CTNNA3: variants seen among roughly 807,000 people sequenced by gnomAD.
CTNNA3 encodes catenin alpha-3.
A neutral mutation model predicts 95.7 loss-of-function variants in CTNNA3; 76 were observed. The ratio of observed to expected loss-of-function variants is 0.79; its 90% confidence interval spans 0.66 to 0.96. The LOEUF is 0.96. Ranked by LOEUF, CTNNA3 falls within the 40% of genes least tolerant of loss-of-function variation. CTNNA3 has a pLI of 0.00. For missense variants in CTNNA3, 1,191 were observed against 1,089.8 expected (o/e 1.09, Z -1.31); for synonymous variants, 431 against 374.4 (o/e 1.15, Z -1.74).
At chr10:66,249,896 G>A (rs1360401444) in intron 13 of CTNNA3, among the ~76,000 whole-genome samples, 1 of 151,974 alleles carries the variant, frequency 6.6e-6, no homozygotes, top group African/African-American at 2.4e-5. Context: ...CCCACTGCAA[G>A]GTATATACCC....
chr10:67,347,177 G>A (rs1842451863), intron 5 of CTNNA3, among the ~76,000 whole-genome samples: 1 of 151,508 alleles, frequency 6.6e-6, no homozygotes, highest in Non-Finnish European at 1.5e-5. Flanking sequence ...AGCCTCCCAA[G>A]TAGCTGGGAC....
At chr10:66,406,015 G>A (rs1269657609) in intron 11 of CTNNA3, among the ~76,000 whole-genome samples, 1 of 152,106 alleles carries the variant, frequency 6.6e-6, no homozygotes, top group African/African-American at 2.4e-5. Context: ...ACAGTGGAAA[G>A]AGAGAGGCAA....
intron 5 of CTNNA3, among the ~76,000 whole-genome samples, chr10:67,379,822 G>A (rs7897314): frequency 1.3e-5 from 2 of 151,616 alleles, no homozygotes; most frequent in African/African-American, 4.9e-5. Context: ...GAGATCGAGA[G>A]CATCCCGGCT....
chr10:67,300,812 C>CT (rs1840235662), intron 5 of CTNNA3, among the ~76,000 whole-genome samples: 1 of 152,180 alleles, frequency 6.6e-6, no homozygotes. Context: ...AGTGTATAAA[C>CT]TGTTTCTCCT....
chr10:66,179,938 A>C (rs940613571), intron 13 of CTNNA3, among the ~76,000 whole-genome samples: 1 of 152,148 alleles, frequency 6.6e-6, no homozygotes, highest in Non-Finnish European at 1.5e-5. Flanking sequence ...ATTTGAATAA[A>C]GAGTATGGGT....
intron 7 of CTNNA3, among the ~76,000 whole-genome samples, chr10:67,017,752 T>TGTGCGC (rs1491459209): frequency 1.4e-5 from 2 of 145,848 alleles, no homozygotes; most frequent in African/African-American, 5.1e-5. Context: ...TGTGTGTGTG[T>TGTGCGC]GCGCGCGTAC....
At chr10:66,797,273 G>A (rs551093171) in intron 7 of CTNNA3, among the ~76,000 whole-genome samples, 205 of 151,592 alleles carry the variant, frequency 1.4e-3, no homozygotes, top group Non-Finnish European at 2.1e-3. Flanking sequence ...CACTTGCATG[G>A]TGCAAAATAC....
At chr10:66,809,391 T>A (rs1258699626) in intron 7 of CTNNA3, among the ~76,000 whole-genome samples, 1 of 152,208 alleles carries the variant, frequency 6.6e-6, no homozygotes, top group Non-Finnish European at 1.5e-5. Flanking sequence ...TATTCCTAGG[T>A]ATTCTATATT....
chr10:67,050,362 G>A (rs763376132), intron 7 of CTNNA3, among the ~76,000 whole-genome samples: 9 of 152,064 alleles, frequency 5.9e-5, no homozygotes, highest in Non-Finnish European at 1.3e-4. Flanking sequence ...ATTTTATAGA[G>A]AGGAAAATAT....
intron 12 of CTNNA3, among the ~76,000 whole-genome samples, chr10:66,334,157 C>T (rs1433027060): frequency 2.0e-5 from 3 of 151,988 alleles, no homozygotes; most frequent in African/African-American, 7.2e-5. Flanking sequence ...GAATACAGCA[C>T]ACTGATGGGT....
chr10:66,735,111 G>A (rs1342130080), intron 9 of CTNNA3, among the ~76,000 whole-genome samples: 1 of 151,746 alleles, frequency 6.6e-6, no homozygotes, highest in South Asian at 2.1e-4. Flanking sequence ...AACAGTGAAA[G>A]TTTTCTAAAT....
intron 1 of CTNNA3, among the ~76,000 whole-genome samples, chr10:67,672,838 T>TG (rs1840463483): frequency 6.6e-6 from 1 of 152,190 alleles, no homozygotes; most frequent in South Asian, 2.1e-4. Context: ...GACTTGGCGA[T>TG]GCGGGCTCTT....
chr10:66,926,441 G>T, intron 7 of CTNNA3: 1 of 831,636 alleles, frequency 1.2e-6, no homozygotes, highest in Admixed American at 2.2e-5. Context: ...TCCAAAATCG[G>T]TCCATCTCCC....
chr10:66,742,564 C>T (rs911415248), intron 9 of CTNNA3, among the ~76,000 whole-genome samples: 26 of 152,016 alleles, frequency 1.7e-4, no homozygotes, highest in African/African-American at 5.1e-4. Flanking sequence ...GCTGGTTTTA[C>T]GGCTCAGGGG....
At chr10:66,439,738 T>C (rs1163647954) in intron 11 of CTNNA3, among the ~76,000 whole-genome samples, 1 of 152,244 alleles carries the variant, frequency 6.6e-6, no homozygotes, top group East Asian at 1.9e-4. Flanking sequence ...CAAAATAGAT[T>C]CATTTTTACC....
At chr10:66,840,769 T>TTC (rs967505837) in intron 7 of CTNNA3, among the ~76,000 whole-genome samples, 5 of 150,156 alleles carry the variant, frequency 3.3e-5, no homozygotes, top group Admixed American at 6.6e-5. Flanking sequence ...TTCATATTTG[T>TTC]TCTCTCTCTC....
intron 15 of CTNNA3, among the ~76,000 whole-genome samples, chr10:66,062,818 T>C (rs111672723): frequency 5.3e-4 from 81 of 152,232 alleles, no homozygotes; most frequent in African/African-American, 1.9e-3. Context: ...TGCTTAGCTT[T>C]TGTAAAACAT....
intron 17 of CTNNA3, among the ~76,000 whole-genome samples, chr10:65,942,319 G>A (rs2077442583): frequency 3.3e-5 from 5 of 152,144 alleles, no homozygotes; most frequent in Admixed American, 3.3e-4. Flanking sequence ...AAGAAGTCAA[G>A]AGATCGAGAC....
chr10:66,816,273 G>C (rs1320101016), intron 7 of CTNNA3, among the ~76,000 whole-genome samples: 2 of 152,050 alleles, frequency 1.3e-5, no homozygotes, highest in South Asian at 2.1e-4. Flanking sequence ...TGGAGGAATG[G>C]AGGAGCACAA....
Sources: allele counts gnomAD v4.1 joint callset (sites outside exome capture counted in the v4.1 genomes callset), GRCh38; gene constraint gnomAD v4.1.1; transcripts MANE v1.5; gene names NCBI Gene and HGNC (gene_info 2026-07-23, HGNC 2026-07-21).